The following SAMMSON variants were observed in gnomAD, a reference collection of about 807,000 sequenced individuals.
The protein encoded by SAMMSON is long intergenic non-protein coding RNA 1212.
chr3:70,233,801 A>C (rs1701584361), intron 4 of SAMMSON, among the ~76,000 whole-genome samples: 1 of 152,214 alleles, frequency 6.6e-6, no homozygotes, highest in Non-Finnish European at 1.5e-5. Flanking sequence ...AAAGTTATTC[A>C]GATTGTTGCA....
At chr3:70,209,368 GC>G (rs1701320514) in intron 4 of SAMMSON, among the ~76,000 whole-genome samples, 1 of 151,988 alleles carries the variant, frequency 6.6e-6, no homozygotes, top group South Asian at 2.1e-4. Context: ...GAAAAGCACT[GC>G]TTTACACACA....
chr3:70,355,911 A>G (rs909022072), intron 8 of SAMMSON, among the ~76,000 whole-genome samples: 4 of 152,158 alleles, frequency 2.6e-5, no homozygotes, highest in Non-Finnish European at 5.9e-5. Flanking sequence ...TTTATTTATG[A>G]TTCTTCACAT....
At chr3:70,360,043 G>T (rs1316687537) in intron 9 of SAMMSON, among the ~76,000 whole-genome samples, 8 of 152,102 alleles carry the variant, frequency 5.3e-5, no homozygotes, top group Non-Finnish European at 1.2e-4. Context: ...ACTTCCGTCG[G>T]CGCATTTGCT....
At chr3:70,265,418 G>C (rs190567896) in intron 6 of SAMMSON, among the ~76,000 whole-genome samples, 26 of 152,198 alleles carry the variant, frequency 1.7e-4, no homozygotes, top group Admixed American at 1.6e-3. Flanking sequence ...GAGAAGGCAG[G>C]AAATCTCTTG....
At chr3:70,046,766 G>T (rs546382867) in intron 3 of SAMMSON, among the ~76,000 whole-genome samples, 2 of 152,198 alleles carry the variant, frequency 1.3e-5, no homozygotes, top group South Asian at 4.1e-4. Flanking sequence ...CTTTCTGGAG[G>T]TCTAGGGGAT....
At chr3:70,432,564 C>T (rs1701422700) in intron 2 of SAMMSON, among the ~76,000 whole-genome samples, 1 of 151,854 alleles carries the variant, frequency 6.6e-6, no homozygotes, top group African/African-American at 2.4e-5. Context: ...ATAGATGCCC[C>T]CCACCTGCCA....
chr3:70,071,677 A>G (rs2067230465), intron 4 of SAMMSON: 1 of 152,006 alleles, frequency 6.6e-6, no homozygotes, highest in African/African-American at 2.4e-5. Context: ...GATTGCATCC[A>G]TTGTTATTTT....
intron 4 of SAMMSON, among the ~76,000 whole-genome samples, chr3:70,216,385 A>G (rs1396135549): frequency 6.6e-6 from 1 of 151,766 alleles, no homozygotes; most frequent in Non-Finnish European, 1.5e-5. Flanking sequence ...AGTTTTGCAT[A>G]TATTAACCCA....
At chr3:70,355,644 G>A (rs944429290) in intron 8 of SAMMSON, among the ~76,000 whole-genome samples, 1 of 152,060 alleles carries the variant, frequency 6.6e-6, no homozygotes, top group African/African-American at 2.4e-5. Context: ...TGAGCTAAAA[G>A]TATCTTTAAA....
At chr3:70,158,713 T>G (rs1048176354) in intron 4 of SAMMSON, among the ~76,000 whole-genome samples, 2 of 152,026 alleles carry the variant, frequency 1.3e-5, no homozygotes, top group Non-Finnish European at 2.9e-5. Flanking sequence ...ATCCACAGTT[T>G]AGGAGATGGT....
intron 4 of SAMMSON, among the ~76,000 whole-genome samples, chr3:70,100,034 T>C (rs944338846): frequency 2.6e-5 from 4 of 152,220 alleles, no homozygotes; most frequent in Non-Finnish European, 5.9e-5. Flanking sequence ...GCTGGTGAAA[T>C]GGCCTTCCGA....
At chr3:70,095,672 A>G (rs1404296754) in intron 4 of SAMMSON, among the ~76,000 whole-genome samples, 1 of 152,202 alleles carries the variant, frequency 6.6e-6, no homozygotes, top group Non-Finnish European at 1.5e-5. Flanking sequence ...TAAAATATAG[A>G]CAGTAATGGT....
chr3:70,208,899 C>T (rs574374607), intron 4 of SAMMSON, among the ~76,000 whole-genome samples: 162 of 152,120 alleles, frequency 1.1e-3, no homozygotes, highest in African/African-American at 3.8e-3. Context: ...GTGGTTTCAT[C>T]CACCATAAAA....
chr3:70,415,071 A>AG (rs1030063505), intron 2 of SAMMSON, among the ~76,000 whole-genome samples: 18 of 152,012 alleles, frequency 1.2e-4, no homozygotes, highest in African/African-American at 1.7e-4. Context: ...CTGTAAAATG[A>AG]GGGGGGGTCC....
intron 4 of SAMMSON, among the ~76,000 whole-genome samples, chr3:70,224,717 G>T (rs1286819196): frequency 2.7e-5 from 4 of 148,782 alleles, no homozygotes; most frequent in South Asian, 2.2e-4. Flanking sequence ...TTCACCCTTG[G>T]TTTTTTTTTT....
intron 4 of SAMMSON, among the ~76,000 whole-genome samples, chr3:70,194,690 A>G (rs978231122): frequency 1.1e-4 from 16 of 152,328 alleles, no homozygotes; most frequent in South Asian, 4.1e-4. Context: ...CTAATTGACA[A>G]GCATTCAATT....
chr3:70,282,698 G>A lies in SAMMSON; in HGVS notation n.675-8481G>A, dbSNP rs114173665. Among the ~76,000 whole-genome samples, 700 of 152,216 alleles carry A rather than the reference G, an allele frequency of 4.6e-3. 7 individuals are homozygous for A. Among genetic ancestry groups the A allele is most frequent in the African/African-American group, 0.016 (676 of 41,532 alleles). On this transcript the variant is annotated intron_variant and non_coding_transcript_variant, in intron 6 of 9. Transcript: ENST00000642114. ...CTGCCAAATAAGAGAGGCCTTCCTCGACTACCTTGTCTATGCCCTTCTTGC... is the reference window on the plus strand; with the variant it reads ...CTGCCAAATAAGAGAGGCCTTCCTCAACTACCTTGTCTATGCCCTTCTTGC...
intron 4 of SAMMSON, among the ~76,000 whole-genome samples, chr3:70,195,726 C>A (rs1476593027): frequency 6.6e-6 from 1 of 152,012 alleles, no homozygotes; most frequent in Non-Finnish European, 1.5e-5. Context: ...TAAGATATAT[C>A]CATGGAAATT....
chr3:70,257,092 ATTTATATACTG>A (rs1701823949), intron 6 of SAMMSON, among the ~76,000 whole-genome samples: 1 of 152,188 alleles, frequency 6.6e-6, no homozygotes, highest in Non-Finnish European at 1.5e-5. Flanking sequence ...GAGAGAGGAT[ATTTATATACTG>A]TTTAAAGCCA....
Sources: allele counts gnomAD v4.1 joint callset (sites outside exome capture counted in the v4.1 genomes callset), GRCh38; gene constraint gnomAD v4.1.1; transcripts MANE v1.5; gene names NCBI Gene and HGNC (gene_info 2026-07-23, HGNC 2026-07-21).